The following LSP1 variants were observed in gnomAD, a reference collection of about 807,000 sequenced individuals.
LSP1 encodes lymphocyte specific protein 1.
In LSP1, 32 loss-of-function variants were observed where a neutral mutation model predicts 49.3. The observed-to-expected ratio is 0.65, with a 90% CI of 0.49 to 0.87. The LOEUF (loss-of-function observed/expected upper bound fraction) is 0.87, where lower values mean the gene tolerates loss of function less well. Among genes scored for constraint, LSP1 ranks in the 40% least tolerant of loss-of-function variants. The probability of loss-of-function intolerance (pLI) is 0.00; values close to 1 mark genes in which losing one functional copy is unlikely to be tolerated. For missense variants in LSP1, 428 were observed against 442.6 expected (o/e 0.97, Z 0.30); for synonymous variants, 179 against 178.8 (o/e 1.00, Z -0.01).
chr11:1,889,265 G>A (rs1324916939), intron 10 of LSP1: 1 of 681,356 alleles, frequency 1.5e-6, no homozygotes, highest in South Asian at 1.6e-5. Flanking sequence ...GGGCGTTGAA[G>A]CGAGGCCGGT....
At chr11:1,854,017 C>T (rs1192280640) in intron 1 of LSP1, among the ~76,000 whole-genome samples, 2 of 152,202 alleles carry the variant, frequency 1.3e-5, no homozygotes, top group Non-Finnish European at 2.9e-5. Context: ...CCAGGCATCA[C>T]AGCTGAGCCT....
chr11:1,889,338 C>T (rs2090868), intron 10 of LSP1: 26 of 711,006 alleles, frequency 3.7e-5, no homozygotes, highest in African/African-American at 1.4e-4. Context: ...CCCTGCCAGG[C>T]GCCCTTGGGC....
intron 1 of LSP1, among the ~76,000 whole-genome samples, chr11:1,858,059 G>T (rs1320071509): frequency 6.6e-6 from 1 of 152,192 alleles, no homozygotes; most frequent in African/African-American, 2.4e-5. Flanking sequence ...CCCTGCCTTT[G>T]CCAAGCTTTT....
intron 1 of LSP1, among the ~76,000 whole-genome samples, chr11:1,854,815 A>C (rs1425037348): frequency 6.6e-6 from 1 of 152,182 alleles, no homozygotes; most frequent in African/African-American, 2.4e-5. Context: ...TGGTCACCTC[A>C]TGCCCATAGA....
At chr11:1,868,385 G>A (rs914731840) in intron 1 of LSP1, among the ~76,000 whole-genome samples, 61 of 152,314 alleles carry the variant, frequency 4.0e-4, no homozygotes, top group African/African-American at 1.4e-3. Context: ...CCTCCATCTC[G>A]GGCACACATC....
intron 1 of LSP1, among the ~76,000 whole-genome samples, chr11:1,873,869 AGGAGGGAG>A (rs1252943795): frequency 1.1e-4 from 15 of 131,364 alleles, no homozygotes; most frequent in African/African-American, 1.5e-4. Flanking sequence ...AGGCTGGCAG[AGGAGGGAG>A]GCTGGCAGAG....
chr11:1,884,173 A>C lies in LSP1; in HGVS notation c.592-107A>C. On this transcript the variant is annotated intron_variant, in intron 5 of 10. Coordinates refer to ENST00000311604, the MANE Select transcript of LSP1 (RefSeq NM_002339.3). The surrounding 1 kb of genome is among the most constrained non-coding windows in gnomAD (Gnocchi z 4.1). ...ATTGCCCGGTGCTCAGCGAACCCCC[A>C]TGATATAAGGGTTGGGGGTTGGATT... 6.8e-7 allele frequency: 1 copy of C among 1,470,412 alleles called. No individual in the cohort carries two copies. Among genetic ancestry groups the C allele is most frequent in the Non-Finnish European group, 9.5e-7 (1 of 1,050,720 alleles). 91.1% of individuals were successfully genotyped at this position (1,470,412 alleles called of 1,614,324 possible).
At chr11:1,855,829 G>A (rs932730717) in intron 1 of LSP1, among the ~76,000 whole-genome samples, 11 of 152,210 alleles carry the variant, frequency 7.2e-5, no homozygotes, top group African/African-American at 2.4e-4. Flanking sequence ...GGGGATGCCT[G>A]CCCTCTATAG....
chr11:1,876,694 A>T, intron 1 of LSP1: 2 of 915,990 alleles, frequency 2.2e-6, no homozygotes, highest in Non-Finnish European at 2.6e-6. Context: ...TCAGGCCCTC[A>T]GCGGGGACTG....
chr11:1,876,701 A>T, intron 1 of LSP1: 1 of 916,114 alleles, frequency 1.1e-6, no homozygotes, highest in Non-Finnish European at 1.3e-6. Flanking sequence ...CTCAGCGGGG[A>T]CTGGGAGGTA....
chr11:1,870,639 T>C lies in LSP1; in HGVS notation c.54-9448T>C, dbSNP rs369109620. ...GGCTGGCTTGGTCCTTCTCTCTGGG[T>C]GCCGGCTGTGGCTCCCGCCCAGGTG... On this transcript the variant is annotated intron_variant, in intron 1 of 10. Transcript: ENST00000311604. 140 of 1,089,140 alleles carry C rather than the reference T, an allele frequency of 1.3e-4. No individual in the cohort carries two copies. The African/African-American group carries it at 2.3e-3, about 18-fold the overall frequency. 67.5% of individuals were successfully genotyped at this position (1,089,140 alleles called of 1,614,324 possible). A position where few individuals can be genotyped will look rare whatever the true frequency, so the allele number is the denominator to read the frequency against.
At chr11:1,885,333 C>A (rs371800219) in intron 7 of LSP1, among the ~76,000 whole-genome samples, 10 of 152,248 alleles carry the variant, frequency 6.6e-5, no homozygotes, top group Middle Eastern at 3.4e-3. Flanking sequence ...ACTCTTCCAT[C>A]CAGTCAATGT....
At chr11:1,876,481 C>T in intron 1 of LSP1, 1 of 985,646 alleles carries the variant, frequency 1.0e-6, no homozygotes, top group Non-Finnish European at 1.2e-6. Flanking sequence ...TCACCAGAGC[C>T]TCCTCACTCC....
At chr11:1,879,498 C>T (rs927934393) in intron 1 of LSP1, among the ~76,000 whole-genome samples, 5 of 152,222 alleles carry the variant, frequency 3.3e-5, no homozygotes, top group Non-Finnish European at 5.9e-5. Flanking sequence ...CTTCTGTGAG[C>T]GGGGCTGGTG....
rs571659753 is a variant in LSP1 at position 1,878,512 on chromosome 11, T to G, written c.54-1575T>G. On this transcript the variant is annotated intron_variant, in intron 1 of 10. Transcript: ENST00000311604. ...GGCGGGGTGCACAGGCGGCTGGGTT[T>G]GCGTGGCTGGAGTCCCCTGTGGCTT... Among the ~76,000 whole-genome samples the G allele has an allele frequency of 8.0e-4, 122 of 151,896 alleles. 1 individual carries two copies. The Middle Eastern group carries it at 0.017, about 21-fold the overall frequency.
Position 1,884,457 on chromosome 11 carries a change from C to G in LSP1, c.636-43C>G. On this transcript the variant is annotated intron_variant, in intron 6 of 10. Coordinates refer to ENST00000311604, the MANE Select transcript of LSP1 (RefSeq NM_002339.3). This position sits in a 1 kb window ranked among gnomAD's most constrained non-coding sequence, Gnocchi z 4.1. ...AGAGGCTTGGGCAGGTTGGGAGAAG[C>G]CTTGTGGGAGACATGGGGCCTGACA... is the stretch of plus-strand genomic sequence containing the variant. 1 of 1,604,316 alleles carries G rather than the reference C, an allele frequency of 6.2e-7. No individual in the cohort carries two copies. The highest frequency in any genetic ancestry group is 1.3e-5 in the African/African-American group (1 of 74,696).
In LSP1 at chr11:1,886,612, T is replaced by C. The variant is rs969652735; in HGVS notation, c.718-120T>C. On this transcript the variant is annotated intron_variant, in intron 7 of 10. Transcript: ENST00000311604. Reference sequence around the variant, plus strand: ...CAGTGATCCCCACTCTGGGGCTGCATTGGGAAAGCGCTCCCAGGGAAAACA... The same window carrying C: ...CAGTGATCCCCACTCTGGGGCTGCACTGGGAAAGCGCTCCCAGGGAAAACA... 70 of 1,195,698 alleles carry C rather than the reference T, an allele frequency of 5.9e-5. No individual in the cohort carries two copies. The East Asian group carries it at 8.0e-4, about 14-fold the overall frequency. The allele number at this position is 1,195,698 out of a possible 1,614,324, so 74.1% of individuals were successfully genotyped here. A position where few individuals can be genotyped will look rare whatever the true frequency, so the allele number is the denominator to read the frequency against.
chr11:1,874,804 C>T (rs967501194), intron 1 of LSP1, among the ~76,000 whole-genome samples: 4 of 152,114 alleles, frequency 2.6e-5, no homozygotes, highest in African/African-American at 4.8e-5. Context: ...TAGGGGGTCC[C>T]TCAAGAGGTC....
rs141880912 is a variant in LSP1, at chr11:1,869,868, AGG to A, written c.54-10218_54-10217del. 3.0e-3 allele frequency: 1,347 copies of A among 455,998 alleles called. 1 individual carries two copies. The highest frequency in any genetic ancestry group is 4.3e-3 in the Non-Finnish European group (942 of 219,632). 28.2% of individuals were successfully genotyped at this position (455,998 alleles called of 1,614,324 possible). A position where few individuals can be genotyped will look rare whatever the true frequency, so the allele number is the denominator to read the frequency against. On this transcript the variant is annotated intron_variant, in intron 1 of 10. Coordinates refer to ENST00000311604, the MANE Select transcript of LSP1 (RefSeq NM_002339.3). ...CACCCGGACTGGGACCCCCTGGGTCAGGACCCTCCACTCACATTCAGGAGCAG... is the reference window on the plus strand; with the variant it reads ...CACCCGGACTGGGACCCCCTGGGTCAACCCTCCACTCACATTCAGGAGCAG...
Sources: gnomAD v4.1 joint callset for allele counts (sites outside exome capture counted in the v4.1 genomes callset) on GRCh38, gnomAD v4.1.1 for gene constraint, Gnocchi (gnomAD v3.1) non-coding constraint, MANE v1.5 for transcripts, NCBI Gene and HGNC (gene_info 2026-07-23, HGNC 2026-07-21) for gene names.